The following ANXA9 variants were observed in gnomAD, a reference collection of about 807,000 sequenced individuals.
ANXA9 encodes annexin A9.
ANXA9 carries 47 observed loss-of-function variants against 51.8 expected under a neutral mutation model. That is an observed-to-expected ratio of 0.91 (90% CI 0.72 to 1.16). ANXA9 has a LOEUF of 1.16. ANXA9 is among the 50% of genes most tolerant of loss of function. ANXA9 has a pLI of 0.00. For missense variants in ANXA9, 361 were observed against 424.7 expected (o/e 0.85, Z 1.32); for synonymous variants, 154 against 168.7 (o/e 0.91, Z 0.68).
intron 3 of ANXA9, 35 bp downstream of exon 3, chr1:150,983,215 G>A (rs1671456453): frequency 6.2e-7 from 1 of 1,608,970 alleles, no homozygotes; most frequent in African/African-American, 1.3e-5. Flanking sequence ...ATCACTTTTA[G>A]TATCTCAGCT....
At chr1:150,988,212 A>G in intron 11 of ANXA9, 26 bp downstream of exon 11, 2 of 1,614,188 alleles carry the variant, frequency 1.2e-6, no homozygotes, top group Non-Finnish European at 1.7e-6. Context: ...GGATTTGTGA[A>G]GTAAGTCTCT....
Position 150,995,308 on chromosome 1 carries a change from G to A in ANXA9, c.1024G>A (p.Ala342Thr). 1 of 1,609,086 alleles carries A rather than the reference G, an allele frequency of 6.2e-7. No individual in the cohort carries two copies. The highest frequency in any genetic ancestry group is 2.2e-5 in the East Asian group (1 of 44,456). Residue 342 changes from alanine to threonine, a missense_variant, in exon 14 of 14, where the codon GCT (alanine) becomes ACT (threonine). By Grantham distance (58) the Ala-to-Thr change is moderately conservative (BLOSUM62 0). Coordinates refer to ENST00000368947, the MANE Select transcript of ANXA9 (RefSeq NM_003568.3). ...CQSALLALCR[A>T]EDM ...GTCAGCCCTCCTGGCCTTGTGCAGG[G>A]CTGAAGACATGTGAGACTTCCCTGC...
chr1:150,985,893 ACCTT>A (rs1671545080), intron 7 of ANXA9, among the ~76,000 whole-genome samples: 1 of 148,182 alleles, frequency 6.7e-6, no homozygotes, highest in South Asian at 2.2e-4. Context: ...TCCCTCTCCT[ACCTT>A]CCTTCCTTCT....
chr1:150,984,619 A>G lies in ANXA9; in HGVS notation c.415A>G (p.Ile139Val). 6.2e-7 allele frequency: 1 copy of G among 1,614,064 alleles called. No homozygotes were observed. The part of the protein sequence containing the change: ...SDSAVDVAIE[I>V]LATRTPPQLQ... ...TTCTGCTGTGGACGTGGCCATTGAA[A>G]TTCTTGCCACTCGAACCCCACCCCA... The change falls in exon 7 of 14, where the codon ATT (isoleucine) becomes GTT (valine). Residue 139 changes from isoleucine to valine, a missense_variant. Coordinates refer to ENST00000368947, the MANE Select transcript of ANXA9 (RefSeq NM_003568.3).
chr1:150,989,065 C>T (rs144054599), intron 12 of ANXA9, among the ~76,000 whole-genome samples: 34 of 151,898 alleles, frequency 2.2e-4, no homozygotes, highest in African/African-American at 5.3e-4. Flanking sequence ...TGGCAACCTC[C>T]GCCTCCTGGA....
At chr1:150,987,525 C>T (rs1256992371) in intron 9 of ANXA9, among the ~76,000 whole-genome samples, 3 of 151,718 alleles carry the variant, frequency 2.0e-5, no homozygotes, top group Non-Finnish European at 2.9e-5. Flanking sequence ...GTCAGGAGTT[C>T]GAAACCAGCC....
At chr1:150,978,999 T>C (rs972984656), upstream of ANXA9, among the ~76,000 whole-genome samples, 32 of 151,720 alleles carry the variant, frequency 2.1e-4, no homozygotes, top group African/African-American at 7.8e-4. Context: ...GATTAGATCC[T>C]CTCTAAGATT....
intron 12 of ANXA9, 34 bp from the exon 13 acceptor site, chr1:150,994,543 C>G: frequency 1.2e-6 from 2 of 1,612,004 alleles, no homozygotes; most frequent in Non-Finnish European, 1.7e-6. Context: ...GAGACTCTCA[C>G]TAACTACCCC....
At chr1:150,988,455 C>A in intron 12 of ANXA9, 114 bp downstream of exon 12, 2 of 1,286,010 alleles carry the variant, frequency 1.6e-6, no homozygotes, top group Non-Finnish European at 1.1e-6. Context: ...TCAAGCCGCT[C>A]TCCTTCCCAG....
At chr1:150,980,619 C>A (rs1487411195), upstream of ANXA9, among the ~76,000 whole-genome samples, 1 of 145,238 alleles carries the variant, frequency 6.9e-6, no homozygotes, top group Non-Finnish European at 1.5e-5. Context: ...ACTCTGTCGC[C>A]CAGGCTGTGG....
chr1:150,988,013 G>A, intron 10 of ANXA9, 57 bp downstream of exon 10: 1 of 1,613,750 alleles, frequency 6.2e-7, no homozygotes, highest in Non-Finnish European at 8.5e-7. Flanking sequence ...TTGGGCTGAG[G>A]AAGGTGGGGA....
At chr1:150,986,292 A>G (rs1671555790) in intron 7 of ANXA9, 44 bp from the exon 8 acceptor site, 6 of 1,581,722 alleles carry the variant, frequency 3.8e-6, no homozygotes, top group Non-Finnish European at 5.2e-6. Flanking sequence ...TATCTACACT[A>G]GGAAAACTCA....
At chr1:150,991,100 G>A (rs1169404559) in intron 12 of ANXA9, among the ~76,000 whole-genome samples, 5 of 149,314 alleles carry the variant, frequency 3.3e-5, no homozygotes, top group Admixed American at 6.7e-5. Flanking sequence ...CCGAGATCGC[G>A]CCACTGCACT....
chr1:150,991,740 C>G (rs980143439), intron 12 of ANXA9, among the ~76,000 whole-genome samples: 2 of 151,440 alleles, frequency 1.3e-5, no homozygotes, highest in Non-Finnish European at 2.9e-5. Flanking sequence ...CAGGGTTTCA[C>G]CACGTTGGCC....
chr1:150,983,489 C>A, intron 4 of ANXA9, 55 bp downstream of exon 4: 3 of 1,482,292 alleles, frequency 2.0e-6, no homozygotes, highest in South Asian at 1.2e-5. Context: ...ATCTGTAGAC[C>A]AAGGAGGAGC....
At chr1:150,980,513 A>G (rs114965108), upstream of ANXA9, among the ~76,000 whole-genome samples, 3 of 151,906 alleles carry the variant, frequency 2.0e-5, no homozygotes, top group Non-Finnish European at 2.9e-5. Context: ...TTATTTATTT[A>G]ATCTAATACC....
At chr1:150,986,312 A>G in intron 7 of ANXA9, 24 bp from the exon 8 acceptor site, 1 of 1,608,276 alleles carries the variant, frequency 6.2e-7, no homozygotes, top group South Asian at 1.1e-5. Context: ...AGGAGGATTC[A>G]GAGAGCTCCT....
At chr1:150,988,016 G>T (rs1671609493) in intron 10 of ANXA9, 60 bp downstream of exon 10, 1 of 1,613,790 alleles carries the variant, frequency 6.2e-7, no homozygotes, top group Non-Finnish European at 8.5e-7. Flanking sequence ...GGCTGAGGAA[G>T]GTGGGGAGGG....
At chr1:150,983,499 C>G in intron 4 of ANXA9, 65 bp downstream of exon 4, 1 of 1,433,700 alleles carries the variant, frequency 7.0e-7, no homozygotes, top group South Asian at 1.3e-5. Context: ...CAAGGAGGAG[C>G]CAGGAAGGAG....
Sources: allele counts gnomAD v4.1 joint callset (sites outside exome capture counted in the v4.1 genomes callset), GRCh38; gene constraint gnomAD v4.1.1; transcripts MANE v1.5; gene names NCBI Gene and HGNC (gene_info 2026-07-23, HGNC 2026-07-21).